Variants in TMEFF1 observed in about 807,000 individuals in gnomAD.
TMEFF1 encodes the protein transmembrane protein with EGF like and two follistatin like domains 1.
In TMEFF1, 20 loss-of-function variants were observed where a neutral mutation model predicts 47.5. That is an observed-to-expected ratio of 0.42 (90% CI 0.30 to 0.61). The LOEUF (loss-of-function observed/expected upper bound fraction) is 0.61, where lower values mean the gene tolerates loss of function less well. Ranked by LOEUF, TMEFF1 falls within the 20% of genes least tolerant of loss-of-function variation. TMEFF1 has a pLI of 0.19. For synonymous variants in TMEFF1, 162 were observed against 166.3 expected (o/e 0.97, Z 0.20); for missense variants, 411 against 471.1 (o/e 0.87, Z 1.18).
intron 1 of TMEFF1, among the ~76,000 whole-genome samples, chr9:100,482,511 A>G (rs1837362125): frequency 6.6e-6 from 1 of 152,068 alleles, no homozygotes; most frequent in Admixed American, 6.5e-5. Context: ...TTCTCTTCTA[A>G]ACTTGGAGGT....
At chr9:100,529,944 C>A (rs1158715209) in intron 5 of TMEFF1, among the ~76,000 whole-genome samples, 5 of 152,116 alleles carry the variant, frequency 3.3e-5, no homozygotes, top group Admixed American at 1.3e-4. Flanking sequence ...GAATCTCACT[C>A]AAAACCGATC....
intron 2 of TMEFF1, among the ~76,000 whole-genome samples, chr9:100,501,070 A>G (rs2118327843): frequency 6.6e-6 from 1 of 152,224 alleles, no homozygotes; most frequent in South Asian, 2.1e-4. Flanking sequence ...CTCACTTTTT[A>G]GTGGCTGTGA....
intron 2 of TMEFF1, among the ~76,000 whole-genome samples, chr9:100,502,638 G>A (rs1014396748): frequency 1.3e-5 from 2 of 152,130 alleles, no homozygotes; most frequent in South Asian, 2.1e-4. Flanking sequence ...CTGGGATTAC[G>A]GGTATGAGCT....
At chr9:100,526,792 G>C (rs1318240852) in intron 5 of TMEFF1, among the ~76,000 whole-genome samples, 1 of 151,062 alleles carries the variant, frequency 6.6e-6, no homozygotes, top group Non-Finnish European at 1.5e-5. Context: ...TTTTTTTCTA[G>C]TCTCTGGATG....
intron 8 of TMEFF1, among the ~76,000 whole-genome samples, chr9:100,563,406 G>C (rs1287065129): frequency 6.6e-6 from 1 of 152,186 alleles, no homozygotes; most frequent in Non-Finnish European, 1.5e-5. Flanking sequence ...TCATGTTCTG[G>C]TAATGATGTG....
At chr9:100,554,482 G>A (rs1838880699) in intron 7 of TMEFF1, among the ~76,000 whole-genome samples, 3 of 151,986 alleles carry the variant, frequency 2.0e-5, no homozygotes, top group Admixed American at 2.0e-4. Flanking sequence ...AAGTAATGTG[G>A]CCTTGGTACA....
chr9:100,556,116 C>T (rs1411155061), intron 7 of TMEFF1, among the ~76,000 whole-genome samples: 2 of 152,136 alleles, frequency 1.3e-5, no homozygotes, highest in African/African-American at 4.8e-5. Flanking sequence ...TGTTCTCGAG[C>T]CTGGATCTTT....
intron 5 of TMEFF1, among the ~76,000 whole-genome samples, chr9:100,530,954 T>G (rs531081740): frequency 6.6e-6 from 1 of 152,020 alleles, no homozygotes; most frequent in East Asian, 1.9e-4. Context: ...ATAAATGTAA[T>G]CCAGCATATA....
intron 5 of TMEFF1, among the ~76,000 whole-genome samples, chr9:100,537,615 C>T (rs1437874872): frequency 6.6e-6 from 1 of 152,170 alleles, no homozygotes; most frequent in African/African-American, 2.4e-5. Context: ...TGAGAGGAGC[C>T]CTGCACTGAG....
chr9:100,473,673 C>A lies in TMEFF1; in HGVS notation c.129C>A (p.Pro43=). ...SLPGSRASNQ[P]PGGGGGSGGD... ...CCGGGAGCCGCGCGTCCAACCAGCC[C>A]CCGGGTGGTGGCGGCGGCAGCGGCG... Residue 43 remains proline (P), a synonymous_variant, in exon 1 of 10, where the codon CCC becomes CCA. Coordinates refer to ENST00000374879, the MANE Select transcript of TMEFF1 (RefSeq NM_003692.5). This position sits in a 1 kb window ranked among gnomAD's most constrained non-coding sequence, Gnocchi z 5.4. The A allele has an allele frequency of 6.5e-7, 1 of 1,543,400 alleles. No homozygotes were observed. The highest frequency in any genetic ancestry group is 1.4e-5 in the African/African-American group (1 of 72,274).
chr9:100,531,696 C>G (rs1587840733), intron 5 of TMEFF1, among the ~76,000 whole-genome samples: 1 of 152,094 alleles, frequency 6.6e-6, no homozygotes, highest in African/African-American at 2.4e-5. Context: ...CCATCCCCAT[C>G]AAGCTACCAA....
At chr9:100,510,998 CTTCT>C (rs1837954061) in intron 3 of TMEFF1, among the ~76,000 whole-genome samples, 1 of 152,122 alleles carries the variant, frequency 6.6e-6, no homozygotes, top group Non-Finnish European at 1.5e-5. Flanking sequence ...AACAAATATC[CTTCT>C]ATCAGGTATG....
intron 7 of TMEFF1, among the ~76,000 whole-genome samples, chr9:100,557,738 G>A (rs1292703406): frequency 2.0e-5 from 3 of 151,768 alleles, no homozygotes; most frequent in African/African-American, 7.3e-5. Flanking sequence ...TGCCACATGG[G>A]ACCCCTTCCC....
At chr9:100,499,823 A>G (rs1469365867) in intron 2 of TMEFF1, among the ~76,000 whole-genome samples, 1 of 152,184 alleles carries the variant, frequency 6.6e-6, no homozygotes, top group Non-Finnish European at 1.5e-5. Flanking sequence ...AAAACTGTAA[A>G]CCATCAGGTG....
chr9:100,547,120 A>ATCC (rs1838749065), intron 5 of TMEFF1, among the ~76,000 whole-genome samples: 1 of 151,990 alleles, frequency 6.6e-6, no homozygotes, highest in South Asian at 2.1e-4. Flanking sequence ...GGCTTAAGTG[A>ATCC]TCCTCCTGCC....
intron 2 of TMEFF1, among the ~76,000 whole-genome samples, chr9:100,506,139 A>C (rs1837855878): frequency 6.6e-6 from 1 of 152,236 alleles, no homozygotes; most frequent in Non-Finnish European, 1.5e-5. Flanking sequence ...TGTTTTTACC[A>C]GTGCTTGACC....
rs1838765215 is a variant in TMEFF1, at chr9:100,547,909, T to G, written c.709+17T>G. 6.4e-7 allele frequency: 1 copy of G among 1,561,930 alleles called. No homozygotes were observed. On this transcript the variant is annotated intron_variant, in intron 6 of 9. Transcript: ENST00000374879. ...ATTGCACAGGTAAAATCCATTTTAT[T>G]TATTCAGAGACCCATCTTTATTATT...
chr9:100,509,386 C>T (rs1837919976), intron 3 of TMEFF1, among the ~76,000 whole-genome samples: 1 of 152,154 alleles, frequency 6.6e-6, no homozygotes, highest in South Asian at 2.1e-4. Context: ...GACTTACTTT[C>T]TTTGCATGTC....
intron 1 of TMEFF1, 59 bp from the exon 2 acceptor site, chr9:100,498,706 G>C (rs1837703680): frequency 3.9e-6 from 6 of 1,522,646 alleles, no homozygotes; most frequent in Non-Finnish European, 4.5e-6. Flanking sequence ...CACGCGCACA[G>C]ACACACACAC....
Sources: gnomAD v4.1 joint callset for allele counts (sites outside exome capture counted in the v4.1 genomes callset) on GRCh38, gnomAD v4.1.1 for gene constraint, Gnocchi (gnomAD v3.1) non-coding constraint, MANE v1.5 for transcripts, NCBI Gene and HGNC (gene_info 2026-07-23, HGNC 2026-07-21) for gene names.